PCCA: variants seen among roughly 807,000 people sequenced by gnomAD.
PCCA encodes propionyl-CoA carboxylase subunit alpha.
Under a neutral mutation model 101.3 loss-of-function variants are expected in PCCA, and 74 were observed. The observed-to-expected ratio is 0.73, with a 90% CI of 0.61 to 0.89. The LOEUF (loss-of-function observed/expected upper bound fraction) is 0.89. Among genes scored for constraint, PCCA ranks in the 40% least tolerant of loss-of-function variants. The pLI is 0.00. For synonymous variants in PCCA, 294 were observed against 313.6 expected (o/e 0.94, Z 0.66); for missense variants, 891 against 907.0 (o/e 0.98, Z 0.23).
rs112449208 is a variant in PCCA, at chr13:100,093,198, G to A, written c.105+3973G>A. Among the ~76,000 whole-genome samples the A allele has an allele frequency of 2.2e-3, 331 of 152,280 alleles. 3 individuals are homozygous for A. The highest frequency in any genetic ancestry group is 7.6e-3 in the African/African-American group (316 of 41,546). The stretch of plus-strand genomic sequence containing the variant: ...TGTAGGTATCTGGAGTTAGATGCCC[G>A]CAGGAGCCATGCTGAGGTGCTGGGT... On this transcript the variant is annotated intron_variant, in intron 1 of 23. Transcript: ENST00000376285.
chr13:100,259,791 C>A (rs1409449687), intron 9 of PCCA, among the ~76,000 whole-genome samples: 1 of 152,168 alleles, frequency 6.6e-6, no homozygotes. Context: ...TGAATATCCC[C>A]ACTAAGACTT....
chr13:100,496,825 T>C (rs2152985513), intron 21 of PCCA, among the ~76,000 whole-genome samples: 1 of 152,218 alleles, frequency 6.6e-6, no homozygotes, highest in East Asian at 1.9e-4. Flanking sequence ...AGGTAATGAT[T>C]ATGAGTCAGC....
chr13:100,462,966 G>A (rs2082270580), intron 21 of PCCA, among the ~76,000 whole-genome samples: 1 of 152,208 alleles, frequency 6.6e-6, no homozygotes, highest in Non-Finnish European at 1.5e-5. Context: ...TATAGCTCAT[G>A]CTGTGACTTT....
chr13:100,292,934 CGTGTGT>C (rs36098330), intron 12 of PCCA, among the ~76,000 whole-genome samples: 28 of 147,672 alleles, frequency 1.9e-4, no homozygotes, highest in African/African-American at 6.5e-4. Flanking sequence ...TTTCCAAATT[CGTGTGT>C]GTGTGTGTGT....
rs1463727929 is a variant in PCCA, at chr13:100,530,209, T to C, written c.*43T>C. The C allele has an allele frequency of 2.1e-6, 3 of 1,432,762 alleles. No homozygotes were observed. In the East Asian group the frequency reaches 6.8e-5, roughly 33 times the overall value. 88.8% of individuals were successfully genotyped at this position (1,432,762 alleles called of 1,614,324 possible). On this transcript the variant is annotated 3_prime_UTR_variant, in exon 24 of 24. Coordinates refer to ENST00000376285, the MANE Select transcript of PCCA (RefSeq NM_000282.4). ...AGTCATCACCCAATTTAATTAGCCA[T>C]TTGCATGATGCTTTCACACACAATT...
At chr13:100,127,630 C>T (rs7989679) in intron 4 of PCCA, among the ~76,000 whole-genome samples, 43,967 of 151,684 alleles carry the variant, frequency 0.29, 7,316 homozygotes, top group East Asian at 0.69. Flanking sequence ...TGGTGGCTCA[C>T]GCCCGTAATC....
intron 19 of PCCA, among the ~76,000 whole-genome samples, chr13:100,414,595 A>G (rs2078240149): frequency 1.3e-5 from 2 of 152,210 alleles, no homozygotes; most frequent in Admixed American, 1.3e-4. Context: ...TTGGAAATTT[A>G]TGTGCTTATT....
chr13:100,295,504 A>G lies in PCCA; in HGVS notation c.1066-5956A>G, dbSNP rs372851982. On this transcript the variant is annotated intron_variant, in intron 12 of 23. Coordinates refer to ENST00000376285, the MANE Select transcript of PCCA (RefSeq NM_000282.4). ...TGTCACTTAAAATTTTGTTAATTTA[A>G]AAGAACATTATTTTGATAACAAAAA... 1.4e-4 allele frequency among the ~76,000 whole-genome samples: 22 copies of G among 152,374 alleles called. No individual in the cohort carries two copies. In the East Asian group the frequency reaches 3.9e-3, roughly 27 times the overall value.
chr13:100,446,248 T>C (rs1253041532), intron 20 of PCCA, among the ~76,000 whole-genome samples: 1 of 152,100 alleles, frequency 6.6e-6, no homozygotes, highest in Non-Finnish European at 1.5e-5. Context: ...CAGGCTGGTC[T>C]CAAACTCCTG....
At chr13:100,194,323 A>G (rs2057951358) in intron 6 of PCCA, among the ~76,000 whole-genome samples, 1 of 152,208 alleles carries the variant, frequency 6.6e-6, no homozygotes, top group Non-Finnish European at 1.5e-5. Context: ...ACTTGTGGTA[A>G]ATTTTGAAAG....
intron 21 of PCCA, among the ~76,000 whole-genome samples, chr13:100,468,582 A>G (rs1003107158): frequency 2.0e-5 from 3 of 152,210 alleles, no homozygotes; most frequent in Non-Finnish European, 4.4e-5. Flanking sequence ...TTTAAACCTC[A>G]TGAATCAACT....
At chr13:100,507,548 C>T (rs929045623) in intron 21 of PCCA, among the ~76,000 whole-genome samples, 1 of 152,170 alleles carries the variant, frequency 6.6e-6, no homozygotes, top group African/African-American at 2.4e-5. Context: ...TTTTAGGCCT[C>T]TCTTATGATA....
chr13:100,472,801 T>C (rs1201827902), intron 21 of PCCA, among the ~76,000 whole-genome samples: 2 of 151,944 alleles, frequency 1.3e-5, no homozygotes, highest in Non-Finnish European at 2.9e-5. Flanking sequence ...ATTGAGGAAT[T>C]AGCTGGTCTT....
chr13:100,137,537 G>A (rs1417940785), intron 4 of PCCA, among the ~76,000 whole-genome samples: 1 of 152,068 alleles, frequency 6.6e-6, no homozygotes, highest in Non-Finnish European at 1.5e-5. Context: ...TACACATTAA[G>A]GATTATTGTA....
chr13:100,192,158 A>G (rs1423187385), intron 6 of PCCA, among the ~76,000 whole-genome samples: 4 of 152,214 alleles, frequency 2.6e-5, no homozygotes, highest in Middle Eastern at 3.2e-3. Context: ...TGAAAATATC[A>G]TTGTAGTAAA....
chr13:100,112,152 C>G (rs1555345703), intron 4 of PCCA, 91 bp downstream of exon 4: 8 of 851,694 alleles, frequency 9.4e-6, no homozygotes, highest in Non-Finnish European at 1.6e-5. Flanking sequence ...TTGGCCTGCA[C>G]AAGATACATT....
At chr13:100,284,465 C>G (rs1255226981) in intron 12 of PCCA, among the ~76,000 whole-genome samples, 1 of 152,178 alleles carries the variant, frequency 6.6e-6, no homozygotes, top group African/African-American at 2.4e-5. Context: ...AGGCAATATC[C>G]CTTAAGGCCT....
intron 7 of PCCA, among the ~76,000 whole-genome samples, chr13:100,219,048 C>G (rs2059672814): frequency 6.6e-6 from 1 of 152,190 alleles, no homozygotes; most frequent in African/African-American, 2.4e-5. Flanking sequence ...ATTTGAGTCT[C>G]CAGTGACAAT....
intron 18 of PCCA, among the ~76,000 whole-genome samples, chr13:100,351,788 T>C (rs756188442): frequency 6.6e-6 from 1 of 152,204 alleles, no homozygotes; most frequent in Non-Finnish European, 1.5e-5. Flanking sequence ...TTGACTTGAA[T>C]TGGATAGACC....
Sources: gnomAD v4.1 joint callset for allele counts (sites outside exome capture counted in the v4.1 genomes callset) on GRCh38, gnomAD v4.1.1 for gene constraint, MANE v1.5 for transcripts, NCBI Gene and HGNC (gene_info 2026-07-23, HGNC 2026-07-21) for gene names.